The following CNN3 variants were observed in gnomAD, a reference collection of about 807,000 sequenced individuals.
The protein encoded by CNN3 is calponin 3.
A neutral mutation model predicts 39.0 loss-of-function variants in CNN3; 11 were observed. That is an observed-to-expected ratio of 0.28 (90% CI 0.18 to 0.47). The LOEUF (loss-of-function observed/expected upper bound fraction) is 0.47. CNN3 is among the 20% of genes least tolerant of loss of function. CNN3 has a pLI of 0.99. For missense variants in CNN3, 266 were observed against 403.4 expected (o/e 0.66, Z 2.92); for synonymous variants, 101 against 138.3 (o/e 0.73, Z 1.89).
At chr1:94,910,258 T>G (rs1366155870) in intron 1 of CNN3, among the ~76,000 whole-genome samples, 1 of 152,192 alleles carries the variant, frequency 6.6e-6, no homozygotes, top group Non-Finnish European at 1.5e-5. Flanking sequence ...CTTCTTTCTG[T>G]CCTTCATCTA....
At chr1:94,915,802 T>C (rs1278535791) in intron 1 of CNN3, among the ~76,000 whole-genome samples, 2 of 152,194 alleles carry the variant, frequency 1.3e-5, no homozygotes. Flanking sequence ...TCCTGCTCTC[T>C]TCCCCATCGG....
chr1:94,897,063 G>C lies in CNN3; in HGVS notation c.*679C>G, dbSNP rs1194578304. ...GAAGAAAACAGAGCAACTCTACATT[G>C]ATACATTGGCACAAACAGGAAGAGC... On this transcript the variant is annotated 3_prime_UTR_variant, in exon 7 of 7. Coordinates refer to ENST00000370206, the MANE Select transcript of CNN3 (RefSeq NM_001839.5). The C allele has an allele frequency of 6.5e-6, 1 of 153,016 alleles. No individual in the cohort carries two copies. The highest frequency in any genetic ancestry group is 2.4e-5 in the African/African-American group (1 of 41,428). The allele number at this position is 153,016 out of a possible 1,614,324, so 9.5% of individuals were successfully genotyped here.
In CNN3 at chr1:94,927,020, A is replaced by T; in HGVS notation, c.-126T>A. On this transcript the variant is annotated 5_prime_UTR_variant, in exon 1 of 7. Transcript: ENST00000370206. ...TCGAACTCCCTCCTCTGGGAGGCGC[A>T]GGAGACGGCCGCGGGGCGCGGGCGG... 9.4e-7 allele frequency: 1 copy of T among 1,063,912 alleles called. No homozygotes were observed. The highest frequency in any genetic ancestry group is 1.4e-6 in the Non-Finnish European group (1 of 739,492). 65.9% of individuals were successfully genotyped at this position (1,063,912 alleles called of 1,614,324 possible).
At chr1:94,903,646 C>A in intron 1 of CNN3, 122 bp from the exon 2 acceptor site, 1 of 1,223,328 alleles carries the variant, frequency 8.2e-7, no homozygotes, top group Non-Finnish European at 1.1e-6. Flanking sequence ...GTAAATGACA[C>A]TCAATAGATC....
intron 1 of CNN3, among the ~76,000 whole-genome samples, chr1:94,914,023 G>A (rs1032361976): frequency 5.9e-5 from 9 of 152,152 alleles, no homozygotes; most frequent in African/African-American, 2.2e-4. Flanking sequence ...CAGGTAAAAA[G>A]AGGTGAAAAT....
At position 94,897,198 on chromosome 1, in the gene CNN3, T is replaced by C. The variant is rs1328424407; in HGVS notation, c.*544A>G. On this transcript the variant is annotated 3_prime_UTR_variant, in exon 7 of 7. Coordinates refer to ENST00000370206, the MANE Select transcript of CNN3 (RefSeq NM_001839.5). The stretch of plus-strand genomic sequence containing the variant: ...CTAGGTAAGAGAATGAGTACACATA[T>C]AATCACAAATGCACACTGATCATGA... The C allele has an allele frequency of 6.5e-6, 1 of 153,902 alleles. No homozygotes were observed. The highest frequency in any genetic ancestry group is 1.5e-5 in the Non-Finnish European group (1 of 68,956). 9.5% of individuals were successfully genotyped at this position (153,902 alleles called of 1,614,324 possible).
chr1:94,926,734 G>T lies in CNN3; in HGVS notation c.57+104C>A. 1 of 1,320,274 alleles carries T rather than the reference G, an allele frequency of 7.6e-7. No individual in the cohort carries two copies. Among genetic ancestry groups the T allele is most frequent in the South Asian group, 1.3e-5 (1 of 79,046 alleles). 81.8% of individuals were successfully genotyped at this position (1,320,274 alleles called of 1,614,324 possible). On this transcript the variant is annotated intron_variant, in intron 1 of 6. Coordinates refer to ENST00000370206, the MANE Select transcript of CNN3 (RefSeq NM_001839.5). The surrounding 1 kb of genome is among the most constrained non-coding windows in gnomAD (Gnocchi z 4.2). ...CGCCGCCTCGACGGCCCCTCTCCAGGAAAACGGTGAGCCACAGCGCGAAGA... is the reference window on the plus strand; with the variant it reads ...CGCCGCCTCGACGGCCCCTCTCCAGTAAAACGGTGAGCCACAGCGCGAAGA...
chr1:94,901,881 C>G (rs1324086184), intron 4 of CNN3, 96 bp from the exon 5 acceptor site: 5 of 855,950 alleles, frequency 5.8e-6, no homozygotes, highest in African/African-American at 5.1e-5. Flanking sequence ...GGGGCCCAAA[C>G]TAGAGATAAA....
At chr1:94,904,068 T>C (rs932454581) in intron 1 of CNN3, among the ~76,000 whole-genome samples, 1 of 152,192 alleles carries the variant, frequency 6.6e-6, no homozygotes, top group Admixed American at 6.5e-5. Flanking sequence ...CTAATTACTG[T>C]ACAATATTTA....
rs971716314 is a variant in CNN3, at chr1:94,898,143, A to G, written c.649-60T>C. On this transcript the variant is annotated intron_variant, in intron 6 of 6. Transcript: ENST00000370206. ...CAGCTAGAATCTATTCTTGTGAATA[A>G]TTTATAAATTATAGAATTCACATTG... The G allele has an allele frequency of 9.0e-6, 13 of 1,442,872 alleles. No individual in the cohort carries two copies. In the Admixed American group the frequency reaches 1.6e-4, roughly 18 times the overall value. The allele number at this position is 1,442,872 out of a possible 1,614,324, so 89.4% of individuals were successfully genotyped here. A position where few individuals can be genotyped will look rare whatever the true frequency, so the allele number is the denominator to read the frequency against.
chr1:94,908,810 G>A (rs1671084190), intron 1 of CNN3, among the ~76,000 whole-genome samples: 1 of 151,582 alleles, frequency 6.6e-6, no homozygotes, highest in Admixed American at 6.6e-5. Context: ...CAAAGTGCTG[G>A]GATTACGCCC....
intron 1 of CNN3, among the ~76,000 whole-genome samples, chr1:94,917,375 T>C (rs1209966291): frequency 6.6e-6 from 1 of 152,150 alleles, no homozygotes; most frequent in African/African-American, 2.4e-5. Context: ...AAATAATTTG[T>C]GGAAAAAACG....
In CNN3 at chr1:94,901,712, T is replaced by C. The variant is rs1225773754; in HGVS notation, c.458A>G (p.Asp153Gly). The change falls in exon 5 of 7, where the codon GAT (aspartate) becomes GGT (glycine). Residue 153 changes from aspartate (D) to glycine (G), a missense_variant. Asp to Gly is a moderately conservative substitution (Grantham distance 94, BLOSUM62 -1). Transcript: ENST00000370206. ...TTGGCCAGCTTTTAATTTTCCTTCA[T>C]CAAAACGTCTTGTTTGTTTTTCTGC... The part of the protein sequence containing the change: ...KYAEKQTRRF[D>G]EGKLKAGQSV... 6.8e-6 allele frequency: 11 copies of C among 1,614,118 alleles called. No homozygotes were observed. Among genetic ancestry groups the C allele is most frequent in the Non-Finnish European group, 9.3e-6 (11 of 1,179,990 alleles).
At chr1:94,912,770 A>T (rs1374938352) in intron 1 of CNN3, among the ~76,000 whole-genome samples, 1 of 152,240 alleles carries the variant, frequency 6.6e-6, no homozygotes, top group African/African-American at 2.4e-5. Context: ...ACTGCCTTTT[A>T]TGGGCGTCAC....
intron 1 of CNN3, among the ~76,000 whole-genome samples, chr1:94,915,980 C>T (rs1454454736): frequency 6.6e-6 from 1 of 152,164 alleles, no homozygotes; most frequent in Non-Finnish European, 1.5e-5. Context: ...CTGCTTTGCC[C>T]CCACACACCA....
chr1:94,918,560 T>C (rs1402102303), intron 1 of CNN3, among the ~76,000 whole-genome samples: 1 of 138,368 alleles, frequency 7.2e-6, no homozygotes, highest in East Asian at 2.3e-4. Context: ...AACAAGCCCA[T>C]AGGAATCCTT....
chr1:94,903,323 G>T, intron 2 of CNN3, 80 bp downstream of exon 2: 1 of 1,543,740 alleles, frequency 6.5e-7, no homozygotes. Context: ...CTGACACCCT[G>T]GGCTGAGAAG....
intron 1 of CNN3, among the ~76,000 whole-genome samples, chr1:94,918,094 T>C (rs944085048): frequency 1.3e-5 from 2 of 152,220 alleles, no homozygotes; most frequent in African/African-American, 4.8e-5. Context: ...TGGCTTAACA[T>C]AAAGTCCTTT....
intron 1 of CNN3, among the ~76,000 whole-genome samples, chr1:94,907,852 T>C (rs1308504052): frequency 2.0e-5 from 3 of 152,204 alleles, no homozygotes; most frequent in Admixed American, 6.5e-5. Context: ...AGAGCAAGAC[T>C]CCGTCTCAAA....
Sources: gnomAD v4.1 joint callset for allele counts (sites outside exome capture counted in the v4.1 genomes callset) on GRCh38, gnomAD v4.1.1 for gene constraint, Gnocchi (gnomAD v3.1) non-coding constraint, MANE v1.5 for transcripts, NCBI Gene and HGNC (gene_info 2026-07-23, HGNC 2026-07-21) for gene names.